Variants in CDH23 observed in about 807,000 individuals in gnomAD.
CDH23 encodes the protein cadherin-23.
In CDH23, 189 loss-of-function variants were observed where a neutral mutation model predicts 317.1. The ratio of observed to expected loss-of-function variants is 0.60; its 90% CI spans 0.53 to 0.67. CDH23 has a LOEUF of 0.67. Ranked by LOEUF, CDH23 falls within the 30% of genes least tolerant of loss-of-function variation. The probability of loss-of-function intolerance (pLI) is 0.00; values close to 1 mark genes in which losing one functional copy is unlikely to be tolerated. For synonymous variants in CDH23, 1,839 were observed against 1,876.8 expected, an observed-to-expected ratio of 0.98 and a Z score of 0.52; for missense variants, 4,401 against 4,592.4, an observed-to-expected ratio of 0.96 and a Z score of 1.20.
intron 6 of CDH23, among the ~76,000 whole-genome samples, chr10:71,553,670 G>C (rs1403235669): frequency 2.0e-5 from 3 of 152,200 alleles, no homozygotes; most frequent in African/African-American, 7.2e-5. Context: ...CCATTTGTTA[G>C]GCACCGCTTC....
At chr10:71,617,080 G>T in intron 10 of CDH23, 125 bp from the exon 11 acceptor site, 1 of 1,286,142 alleles carries the variant, frequency 7.8e-7, no homozygotes. Context: ...TGGAGTTGTG[G>T]TGAGGATTAG....
chr10:71,489,769 A>C (rs1350540000), intron 3 of CDH23, among the ~76,000 whole-genome samples: 1 of 152,010 alleles, frequency 6.6e-6, no homozygotes, highest in African/African-American at 2.4e-5. Context: ...CTTGTCTGGG[A>C]CTACTTTAAA....
At chr10:71,399,339 T>C (rs1375164811) in intron 1 of CDH23, among the ~76,000 whole-genome samples, 2 of 152,212 alleles carry the variant, frequency 1.3e-5, no homozygotes, top group Admixed American at 6.5e-5. Flanking sequence ...ACTCATGTGC[T>C]CAGTAAAGTT....
chr10:71,696,937 C>A (rs965186125), intron 22 of CDH23, among the ~76,000 whole-genome samples: 18 of 152,374 alleles, frequency 1.2e-4, no homozygotes, highest in African/African-American at 4.3e-4. Flanking sequence ...AACCTCCTCC[C>A]CACCCCAGCC....
intron 19 of CDH23, among the ~76,000 whole-genome samples, chr10:71,688,812 G>GGA (rs1304051395): frequency 6.5e-5 from 3 of 46,460 alleles, no homozygotes; most frequent in Admixed American, 4.3e-4. Context: ...GGAGCCAACG[G>GGA]TGGTGGAGCC....
At chr10:71,501,744 G>T (rs963000456) in intron 3 of CDH23, among the ~76,000 whole-genome samples, 10 of 152,224 alleles carry the variant, frequency 6.6e-5, no homozygotes, top group Admixed American at 5.9e-4. Flanking sequence ...AAATGAGATG[G>T]CAGGCTCCAA....
At chr10:71,481,163 T>C (rs1055487979) in intron 3 of CDH23, among the ~76,000 whole-genome samples, 2 of 152,114 alleles carry the variant, frequency 1.3e-5, no homozygotes, top group Non-Finnish European at 2.9e-5. Flanking sequence ...GCTGGAGGGC[T>C]GGAACTTTGC....
At chr10:71,763,086 G>A (rs1348198694) in intron 38 of CDH23, among the ~76,000 whole-genome samples, 9 of 152,234 alleles carry the variant, frequency 5.9e-5, no homozygotes, top group Non-Finnish European at 1.3e-4. Flanking sequence ...CTAGATGAGG[G>A]AAAGATGAGA....
Position 71,566,835 on chromosome 10 carries a change from T to TC in CDH23, c.526dup (p.Gln176ProfsTer6). On this transcript the variant is annotated frameshift_variant, in exon 7 of 70. Coordinates refer to ENST00000224721, the MANE Select transcript of CDH23 (RefSeq NM_022124.6). LOFTEE classifies it high-confidence loss of function. ...CGTCCTCTACTCCTTCCAGCCCCCC[T>TC]CCCAATTCTTCGCCATTGACAGCGC... 3 of 1,613,896 alleles carry TC rather than the reference T, an allele frequency of 1.9e-6. No individual in the cohort carries two copies. The highest frequency in any genetic ancestry group is 2.5e-6 in the Non-Finnish European group (3 of 1,179,862).
chr10:71,614,873 T>C (rs915444376), intron 9 of CDH23, among the ~76,000 whole-genome samples: 4 of 152,216 alleles, frequency 2.6e-5, no homozygotes, highest in Non-Finnish European at 5.9e-5. Flanking sequence ...TACAGAGACA[T>C]CGGTTTGAGG....
rs531513127 is a variant in CDH23 at position 71,793,440 on chromosome 10, G to A, written c.6512G>A (p.Arg2171His). 65 of 1,613,934 alleles carry A rather than the reference G, an allele frequency of 4.0e-5. No homozygotes were observed. The highest frequency in any genetic ancestry group is 1.3e-4 in the Admixed American group (8 of 60,008). The part of the protein sequence containing the change: ...TILIDDINDS[R>H]PEFLNPIQTV... ...CTGATCGATGACATCAATGACTCCC[G>A]CCCCGAGTTCCTCAACCCCATCCAG... Residue 2171 changes from arginine to histidine, a missense_variant, in exon 48 of 70, where the codon CGC becomes CAC. This residue lies in a region of CDH23 where 3,068 missense variants were observed against 3,203.3 expected (regional missense o/e 0.96). Coordinates refer to ENST00000224721, the MANE Select transcript of CDH23 (RefSeq NM_022124.6).
At chr10:71,739,910 C>T in intron 36 of CDH23, 138 bp downstream of exon 36, 2 of 1,003,620 alleles carry the variant, frequency 2.0e-6, no homozygotes, top group Non-Finnish European at 1.4e-6. Context: ...TAACATGGGG[C>T]CAGCTGCACC....
chr10:71,793,181 G>A lies in CDH23; in HGVS notation c.6254-1G>A, dbSNP rs1247353282. The A allele has an allele frequency of 1.9e-6, 3 of 1,608,958 alleles. No homozygotes were observed. Among genetic ancestry groups the A allele is most frequent in the Non-Finnish European group, 2.5e-6 (3 of 1,176,660 alleles). On this transcript the variant is annotated splice_acceptor_variant, in intron 47 of 69. Coordinates refer to ENST00000224721, the MANE Select transcript of CDH23 (RefSeq NM_022124.6). LOFTEE classifies it high-confidence loss of function. ...GCTACTCCCTTTTCCCTCTCCAACA[G>A]GATTCTCAGTCCTTCAAGTCACAGC... is the stretch of plus-strand genomic sequence containing the variant.
At chr10:71,694,345 T>G (rs894798845) in intron 21 of CDH23, 86 bp downstream of exon 21, 1 of 980,064 alleles carries the variant, frequency 1.0e-6, no homozygotes, top group Non-Finnish European at 1.5e-6. Context: ...CCCCGTGTCC[T>G]GAGCCAGTGT....
chr10:71,712,710 T>C lies in CDH23; in HGVS notation c.3266T>C (p.Phe1089Ser), dbSNP rs372378807. 14 of 1,613,736 alleles carry C rather than the reference T, an allele frequency of 8.7e-6. No individual in the cohort carries two copies. The Admixed American group carries it at 2.3e-4, about 27-fold the overall frequency. ...GKRHTGTATV[F>S]VTVLDVNDNR... ...CGACACACGGGCACAGCCACCGTGT[T>C]CGTCACTGTCCTGGATGTGAATGAC... Residue 1089 changes from phenylalanine (F) to serine (S), a missense_variant, in exon 28 of 70, where the codon TTC becomes TCC. Physicochemically the swap from Phe to Ser is radical, Grantham distance 155. Around this residue, in one of 3 missense-constraint regions of CDH23, gnomAD observed 3,068 missense variants for 3,203.3 expected, o/e 0.96. Transcript: ENST00000224721.
At chr10:71,612,659 C>T (rs1860972122) in intron 9 of CDH23, among the ~76,000 whole-genome samples, 1 of 152,222 alleles carries the variant, frequency 6.6e-6, no homozygotes, top group East Asian at 1.9e-4. Flanking sequence ...GGGGAGGGGA[C>T]CCCTGCCTGT....
chr10:71,442,391 C>A (rs543405041), intron 2 of CDH23, among the ~76,000 whole-genome samples: 10 of 152,272 alleles, frequency 6.6e-5, no homozygotes, highest in African/African-American at 2.2e-4. Flanking sequence ...GAACCACCTT[C>A]CCAGGCCCTC....
intron 11 of CDH23, among the ~76,000 whole-genome samples, chr10:71,641,046 A>G (rs924413455): frequency 6.6e-6 from 1 of 152,154 alleles, no homozygotes; most frequent in Non-Finnish European, 1.5e-5. Context: ...CATAGGCAGC[A>G]CCCTATGTAA....
intron 29 of CDH23, among the ~76,000 whole-genome samples, 168 bp from the exon 30 acceptor site, chr10:71,725,202 TCA>T (rs1382101693): frequency 1.3e-5 from 2 of 152,136 alleles, no homozygotes; most frequent in Non-Finnish European, 2.9e-5. Flanking sequence ...TTGCCCCACC[TCA>T]CAGAGTCCTC....
Sources: allele counts gnomAD v4.1 joint callset (sites outside exome capture counted in the v4.1 genomes callset), GRCh38; gene constraint gnomAD v4.1.1; regional missense constraint gnomAD v4.1.1; transcripts MANE v1.5; gene names NCBI Gene and HGNC (gene_info 2026-07-23, HGNC 2026-07-21).